HADHA: variants seen among roughly 807,000 people sequenced by gnomAD.
HADHA encodes hydroxyacyl-CoA dehydrogenase trifunctional multienzyme complex subunit alpha, also known as trifunctional enzyme subunit alpha, mitochondrial.
A neutral mutation model predicts 91.3 loss-of-function variants in HADHA; 59 were observed. The observed-to-expected ratio is 0.65, with a 90% CI of 0.52 to 0.80. The LOEUF is 0.80. HADHA is among the 30% of genes least tolerant of loss of function. HADHA has a pLI of 0.00. For missense variants in HADHA, 800 were observed against 927.6 expected (o/e 0.86, Z 1.79); for synonymous variants, 320 against 338.9 (o/e 0.94, Z 0.61).
chr2:26,230,093 G>T, intron 7 of HADHA, 99 bp downstream of exon 7: 1 of 756,850 alleles, frequency 1.3e-6, no homozygotes, highest in South Asian at 1.3e-5. Flanking sequence ...AAAGTGCTGG[G>T]ATTACAGGTG....
At position 26,195,130 on chromosome 2, in the gene HADHA, C is replaced by T; in HGVS notation, c.1582G>A (p.Val528Ile). ...ATGACCTTCCCCTGCTTGAGACCAACTGCTACAGCTGAAGCACTGGTGTCT... is the reference window on the plus strand; with the variant it reads ...ATGACCTTCCCCTGCTTGAGACCAATTGCTACAGCTGAAGCACTGGTGTCT... Reference protein sequence around the residue: ...SKDTSASAVAVGLKQGKVIIV... With the variant: ...SKDTSASAVAIGLKQGKVIIV... The change falls in exon 15 of 20, where the codon GTT (valine) becomes ATT (isoleucine). Residue 528 changes from valine to isoleucine, a missense_variant. By Grantham distance (29) the Val-to-Ile change is conservative (BLOSUM62 3). Transcript: ENST00000380649. 1.2e-6 allele frequency: 2 copies of T among 1,612,852 alleles called. No homozygotes were observed. Among genetic ancestry groups the T allele is most frequent in the Admixed American group, 1.7e-5 (1 of 59,982 alleles).
rs572618668 is a variant in HADHA, at chr2:26,199,569, C to T, written c.1392+1580G>A. 2.0e-5 allele frequency among the ~76,000 whole-genome samples: 3 copies of T among 152,250 alleles called. No individual in the cohort carries two copies. In the South Asian group the frequency reaches 6.2e-4, roughly 32 times the overall value. On this transcript the variant is annotated intron_variant, in intron 13 of 19. Coordinates refer to ENST00000380649, the MANE Select transcript of HADHA (RefSeq NM_000182.5). ...CCTTGGACATGTATGTCTTTTCTCCCAGCTAGAAGTAGAGTCTGTTTCCCT... is the reference window on the plus strand; with the variant it reads ...CCTTGGACATGTATGTCTTTTCTCCTAGCTAGAAGTAGAGTCTGTTTCCCT...
intron 1 of HADHA, among the ~76,000 whole-genome samples, chr2:26,243,883 T>C (rs1432667235): frequency 6.6e-6 from 1 of 152,246 alleles, no homozygotes; most frequent in African/African-American, 2.4e-5. Flanking sequence ...AACATTTTAT[T>C]GCTTAAGGTA....
chr2:26,208,429 A>C lies in HADHA; in HGVS notation c.1085+1351T>G, dbSNP rs1670018690. On this transcript the variant is annotated intron_variant, in intron 11 of 19. Transcript: ENST00000380649. ...CGACAATAAATGCTCAGGCAGGAGGAGTCTGGAGTTAATAAATTAAGACAC... is the reference window on the plus strand; with the variant it reads ...CGACAATAAATGCTCAGGCAGGAGGCGTCTGGAGTTAATAAATTAAGACAC... Among the ~76,000 whole-genome samples, 5 of 152,226 alleles carry C rather than the reference A, an allele frequency of 3.3e-5. No individual in the cohort carries two copies. In the South Asian group the frequency reaches 1.0e-3, roughly 32 times the overall value.
rs142348718 is a variant in HADHA at position 26,192,329 on chromosome 2, G to T, written c.1981C>A (p.Leu661Met). Residue 661 changes from leucine (L) to methionine (M), a missense_variant, in exon 18 of 20, where the codon CTG becomes ATG. Transcript: ENST00000380649. ...DMDSILASLK[L>M]PPKSEVSSDE... Reference sequence around the variant, plus strand: ...ACTTACACTTCAGACTTAGGAGGCAGCTTCAGACTCGCTAAAATACTATCC... The same window carrying T: ...ACTTACACTTCAGACTTAGGAGGCATCTTCAGACTCGCTAAAATACTATCC... The T allele has an allele frequency of 1.3e-6, 2 of 1,587,688 alleles. No individual in the cohort carries two copies. Among genetic ancestry groups the T allele is most frequent in the Non-Finnish European group, 1.7e-6 (2 of 1,155,910 alleles).
chr2:26,228,432 C>T (rs571602023), intron 7 of HADHA, among the ~76,000 whole-genome samples: 5 of 152,042 alleles, frequency 3.3e-5, no homozygotes, highest in Admixed American at 2.6e-4. Flanking sequence ...CGCCCAGTCA[C>T]GCCCACATAA....
In HADHA at chr2:26,233,974, G is replaced by C. The variant is rs149478591; in HGVS notation, c.453+243C>G. Reference sequence around the variant, plus strand: ...TGCACACCTGTAATCCCAGCTACTGGGGAGGCTGAAGCAGGAGAATTGTTT... The same window carrying C: ...TGCACACCTGTAATCCCAGCTACTGCGGAGGCTGAAGCAGGAGAATTGTTT... On this transcript the variant is annotated intron_variant, in intron 5 of 19. Coordinates refer to ENST00000380649, the MANE Select transcript of HADHA (RefSeq NM_000182.5). Among the ~76,000 whole-genome samples, 400 of 152,288 alleles carry C rather than the reference G, an allele frequency of 2.6e-3. 5 individuals carry two copies. Among genetic ancestry groups the C allele is most frequent in the East Asian group, 0.024 (126 of 5,190 alleles).
intron 1 of HADHA, among the ~76,000 whole-genome samples, chr2:26,240,480 G>T (rs1024331037): frequency 6.6e-6 from 1 of 152,164 alleles, no homozygotes; most frequent in Non-Finnish European, 1.5e-5. Context: ...CAGTGGGAAG[G>T]GAAGAAGGGG....
intron 11 of HADHA, among the ~76,000 whole-genome samples, chr2:26,207,158 A>G (rs1669989798): frequency 6.6e-6 from 1 of 152,198 alleles, no homozygotes; most frequent in Admixed American, 6.5e-5. Flanking sequence ...TGATTATGCC[A>G]TCGCACTCCA....
intron 7 of HADHA, among the ~76,000 whole-genome samples, chr2:26,219,650 A>T (rs542089690): frequency 2.0e-5 from 3 of 152,166 alleles, no homozygotes; most frequent in Admixed American, 1.3e-4. Context: ...TGCAATGGGG[A>T]TAAAGGAATC....
Position 26,191,040 on chromosome 2 carries a change from C to CCTT in HADHA, c.*207_*209dup. On this transcript the variant is annotated 3_prime_UTR_variant, in exon 20 of 20. Transcript: ENST00000380649. ...CTTATACAATGAGCAGTGGGCTCTA[C>CCTT]CTTCCAACAGGAAGTGCAAACTAAT... 1.6e-6 allele frequency: 1 copy of CCTT among 638,374 alleles called. No homozygotes were observed. The highest frequency in any genetic ancestry group is 1.8e-5 in the South Asian group (1 of 55,872). 39.5% of individuals were successfully genotyped at this position (638,374 alleles called of 1,614,324 possible).
At chr2:26,243,489 A>G (rs1670971614) in intron 1 of HADHA, among the ~76,000 whole-genome samples, 1 of 152,154 alleles carries the variant, frequency 6.6e-6, no homozygotes, top group South Asian at 2.1e-4. Flanking sequence ...TACATGCTAC[A>G]GTTTTGTGGA....
intron 1 of HADHA, among the ~76,000 whole-genome samples, chr2:26,240,628 G>A (rs140962938): frequency 1.4e-4 from 21 of 152,236 alleles, no homozygotes; most frequent in East Asian, 5.8e-4. Context: ...GAAATAGAGT[G>A]AGCATGGGTT....
At chr2:26,225,650 A>T (rs922165113) in intron 7 of HADHA, among the ~76,000 whole-genome samples, 2 of 152,138 alleles carry the variant, frequency 1.3e-5, no homozygotes, top group Non-Finnish European at 2.9e-5. Flanking sequence ...AAACCCCACA[A>T]TTATCTCTGT....
At chr2:26,230,430 T>C in intron 6 of HADHA, 136 bp from the exon 7 acceptor site, 1 of 692,846 alleles carries the variant, frequency 1.4e-6, no homozygotes, top group South Asian at 1.5e-5. Flanking sequence ...GTCAACAGCA[T>C]AGATAAGTTA....
chr2:26,227,283 AG>A (rs1209262705), intron 7 of HADHA, among the ~76,000 whole-genome samples: 2 of 152,160 alleles, frequency 1.3e-5, no homozygotes, highest in Non-Finnish European at 2.9e-5. Flanking sequence ...AGGCCAAGGC[AG>A]GGGGATAACT....
chr2:26,190,813 A>G lies in HADHA; in HGVS notation c.*437T>C, dbSNP rs779402635. 3.6e-6 allele frequency: 1 copy of G among 280,758 alleles called. No homozygotes were observed. Among genetic ancestry groups the G allele is most frequent in the East Asian group, 9.2e-5 (1 of 10,872 alleles). The allele number at this position is 280,758 out of a possible 1,614,324, so 17.4% of individuals were successfully genotyped here. A position where few individuals can be genotyped will look rare whatever the true frequency, so the allele number is the denominator to read the frequency against. On this transcript the variant is annotated 3_prime_UTR_variant, in exon 20 of 20. Coordinates refer to ENST00000380649, the MANE Select transcript of HADHA (RefSeq NM_000182.5). ...ACACATTCTTACTCCCCCAAAGCAC[A>G]GGGCTTTCTTCCAGATTGCTTTTTG...
rs187704225 is a variant in HADHA, at chr2:26,192,692, G to C, written c.1886-268C>G. On this transcript the variant is annotated intron_variant, in intron 17 of 19. Transcript: ENST00000380649. ...ACCCGGGAGGTGGAGACGAGATTAT[G>C]CCACTGCACTCCAGCCTGGGCAACA... 2.2e-4 allele frequency among the ~76,000 whole-genome samples: 33 copies of C among 152,120 alleles called. No homozygotes were observed. The East Asian group carries it at 6.4e-3, about 29-fold the overall frequency.
chr2:26,203,447 G>C (rs1477288868), intron 12 of HADHA, among the ~76,000 whole-genome samples: 1 of 152,176 alleles, frequency 6.6e-6, no homozygotes, highest in East Asian at 1.9e-4. Flanking sequence ...GAGAGAGGCA[G>C]GTGGTGAGGA....
Sources: allele counts gnomAD v4.1 joint callset (sites outside exome capture counted in the v4.1 genomes callset), GRCh38; gene constraint gnomAD v4.1.1; transcripts MANE v1.5; gene names NCBI Gene and HGNC (gene_info 2026-07-23, HGNC 2026-07-21).